The following ASTN1 variants were observed in gnomAD, a reference collection of about 807,000 sequenced individuals.
ASTN1 encodes astrotactin 1.
Under a neutral mutation model 140.7 loss-of-function variants are expected in ASTN1, and 41 were observed. That is an observed-to-expected ratio of 0.29 (90% confidence interval 0.23 to 0.38). The LOEUF (loss-of-function observed/expected upper bound fraction) is 0.38, where lower values mean the gene tolerates loss of function less well. Among genes scored for constraint, ASTN1 ranks in the 10% least tolerant of loss-of-function variants. The pLI, the probability that ASTN1 is intolerant of heterozygous loss-of-function variation, is 1.00. For missense variants in ASTN1, 1,479 were observed against 1,678.8 expected, an observed-to-expected ratio of 0.88 and a Z score of 2.08; for synonymous variants, 640 against 652.2, an observed-to-expected ratio of 0.98 and a Z score of 0.29.
At chr1:176,935,188 T>C (rs1258300214) in intron 15 of ASTN1, among the ~76,000 whole-genome samples, 1 of 152,184 alleles carries the variant, frequency 6.6e-6, no homozygotes, top group Non-Finnish European at 1.5e-5. Context: ...TGTCTCCTAT[T>C]AAGGCAAAGT....
In ASTN1 at chr1:176,903,921, T is replaced by C. The variant is rs116802655; in HGVS notation, c.2672-9091A>G. 6.0e-3 allele frequency among the ~76,000 whole-genome samples: 920 copies of C among 152,336 alleles called. 9 individuals are homozygous for C. Among genetic ancestry groups the C allele is most frequent in the African/African-American group, 0.021 (870 of 41,588 alleles). On this transcript the variant is annotated intron_variant, in intron 16 of 22. Transcript: ENST00000361833. ...GGCTCCCAGCTGTCCTTGGCACTCC[T>C]TGGCTTATAGCTGCCTCACACTAAT...
At chr1:176,888,702 C>T (rs1320444765) in intron 17 of ASTN1, among the ~76,000 whole-genome samples, 2 of 152,158 alleles carry the variant, frequency 1.3e-5, no homozygotes, top group African/African-American at 2.4e-5. Context: ...TGCAATGCTG[C>T]CTTGGGTTGT....
At chr1:176,878,500 G>A (rs1346873828) in intron 20 of ASTN1, among the ~76,000 whole-genome samples, 2 of 151,940 alleles carry the variant, frequency 1.3e-5, no homozygotes, top group East Asian at 3.9e-4. Flanking sequence ...AGCAGTGGCA[G>A]TCATGAAATT....
chr1:177,160,920 C>T (rs530735352), intron 1 of ASTN1, among the ~76,000 whole-genome samples: 1 of 152,288 alleles, frequency 6.6e-6, no homozygotes, highest in Admixed American at 6.5e-5. Context: ...ATATTAGGCA[C>T]AGAACCATCA....
chr1:177,015,685 T>A (rs1233648757), intron 7 of ASTN1, among the ~76,000 whole-genome samples: 2 of 152,198 alleles, frequency 1.3e-5, no homozygotes, highest in Non-Finnish European at 2.9e-5. Flanking sequence ...AAACTGTATA[T>A]GTGTGTATAT....
At chr1:176,919,084 G>A (rs1332783560) in intron 16 of ASTN1, among the ~76,000 whole-genome samples, 2 of 152,206 alleles carry the variant, frequency 1.3e-5, no homozygotes, top group East Asian at 3.9e-4. Context: ...TACCCTCATA[G>A]CCCATCCAAC....
At chr1:176,912,509 T>G (rs555783307) in intron 16 of ASTN1, among the ~76,000 whole-genome samples, 2 of 152,332 alleles carry the variant, frequency 1.3e-5, no homozygotes, top group African/African-American at 2.4e-5. Flanking sequence ...CTGCAGGTCA[T>G]AATTTGCTGA....
chr1:176,971,499 G>C (rs1179438432), intron 8 of ASTN1, among the ~76,000 whole-genome samples: 1 of 152,076 alleles, frequency 6.6e-6, no homozygotes, highest in Non-Finnish European at 1.5e-5. Context: ...TCTCTACCTG[G>C]AATACCACCC....
At chr1:176,878,672 G>C (rs1371484156) in intron 20 of ASTN1, among the ~76,000 whole-genome samples, 4 of 151,924 alleles carry the variant, frequency 2.6e-5, no homozygotes, top group Admixed American at 1.3e-4. Flanking sequence ...TCCAGTCCCA[G>C]GTCAGCACCA....
At position 176,861,899 on chromosome 1, in the gene ASTN1, G is replaced by T. The variant is rs979895924; in HGVS notation, c.*2385C>A. On this transcript the variant is annotated 3_prime_UTR_variant, in exon 23 of 23. Transcript: ENST00000361833. Reference sequence around the variant, plus strand: ...TGCCTAAAATAAAAACAGAAGGAGAGGGTACAGAGGAGTGACTCTGATACC... The same window carrying T: ...TGCCTAAAATAAAAACAGAAGGAGATGGTACAGAGGAGTGACTCTGATACC... 6.1e-6 allele frequency: 6 copies of T among 985,130 alleles called. No individual in the cohort carries two copies. In the South Asian group the frequency reaches 1.9e-4, roughly 31 times the overall value. The allele number at this position is 985,130 out of a possible 1,614,324, so 61.0% of individuals were successfully genotyped here. A position where few individuals can be genotyped will look rare whatever the true frequency, so the allele number is the denominator to read the frequency against.
chr1:176,957,689 T>C lies in ASTN1; in HGVS notation c.1876A>G (p.Thr626Ala). ...RCISDRKLDSTGCVCPSGLSP... is the reference protein window; with the variant it reads ...RCISDRKLDSAGCVCPSGLSP... The stretch of plus-strand genomic sequence containing the variant: ...CAGGGCAGACCTACCACGCAACCAG[T>C]GGAGTCCAGCTTGCGATCTGAAATA... The change falls in exon 11 of 23, where the codon ACT becomes GCT. Residue 626 changes from threonine to alanine, a missense_variant. Transcript: ENST00000361833. 1 of 1,614,000 alleles carries C rather than the reference T, an allele frequency of 6.2e-7. No individual in the cohort carries two copies. The highest frequency in any genetic ancestry group is 8.5e-7 in the Non-Finnish European group (1 of 1,179,950).
In ASTN1 at chr1:176,863,503, T is replaced by C. The variant is rs1668033544; in HGVS notation, c.*781A>G. On this transcript the variant is annotated 3_prime_UTR_variant, in exon 23 of 23. Coordinates refer to ENST00000361833, the MANE Select transcript of ASTN1 (RefSeq NM_004319.3). Reference sequence around the variant, plus strand: ...CTCTTGAATGTGGACTGCTAACTAGTCTCCCAGGTAGACTTTTCTGAAGGT... The same window carrying C: ...CTCTTGAATGTGGACTGCTAACTAGCCTCCCAGGTAGACTTTTCTGAAGGT... 1.0e-6 allele frequency: 1 copy of C among 985,434 alleles called. No individual in the cohort carries two copies. The highest frequency in any genetic ancestry group is 1.7e-5 in the African/African-American group (1 of 57,214). 61.0% of individuals were successfully genotyped at this position (985,434 alleles called of 1,614,324 possible).
At chr1:176,924,448 C>T (rs901483596) in intron 16 of ASTN1, among the ~76,000 whole-genome samples, 4 of 152,192 alleles carry the variant, frequency 2.6e-5, no homozygotes, top group African/African-American at 9.6e-5. Context: ...CTTCAGTCAA[C>T]CTCTGGTACA....
intron 11 of ASTN1, among the ~76,000 whole-genome samples, chr1:176,956,321 C>A (rs1672397900): frequency 6.6e-6 from 1 of 152,080 alleles, no homozygotes; most frequent in East Asian, 1.9e-4. Context: ...CAACTGCTGC[C>A]TCATAGGTAA....
chr1:177,021,565 A>C (rs531621734), intron 7 of ASTN1, among the ~76,000 whole-genome samples: 2 of 152,324 alleles, frequency 1.3e-5, no homozygotes, highest in South Asian at 4.1e-4. Context: ...ACTCTGCTTT[A>C]GGTAGCTGTG....
chr1:177,052,262 G>A (rs1677576855), intron 2 of ASTN1, among the ~76,000 whole-genome samples: 1 of 152,124 alleles, frequency 6.6e-6, no homozygotes, highest in South Asian at 2.1e-4. Context: ...GGTGGCCCCT[G>A]GGTCACACAT....
chr1:176,898,152 T>A (rs2103043343), intron 16 of ASTN1, among the ~76,000 whole-genome samples: 1 of 152,306 alleles, frequency 6.6e-6, no homozygotes, highest in South Asian at 2.1e-4. Flanking sequence ...GCCCTTCAGT[T>A]CTAGATACCT....
chr1:177,123,231 G>T (rs534731609), intron 1 of ASTN1, among the ~76,000 whole-genome samples: 1 of 152,242 alleles, frequency 6.6e-6, no homozygotes, highest in African/African-American at 2.4e-5. Context: ...CTCAGTACAG[G>T]TGATGGCTTC....
intron 16 of ASTN1, among the ~76,000 whole-genome samples, chr1:176,921,847 T>C (rs1177410790): frequency 6.6e-6 from 1 of 152,184 alleles, no homozygotes; most frequent in Non-Finnish European, 1.5e-5. Flanking sequence ...GGTGAGCTGG[T>C]GCCAGGAGGT....
Sources: allele counts gnomAD v4.1 joint callset (sites outside exome capture counted in the v4.1 genomes callset), GRCh38; gene constraint gnomAD v4.1.1; transcripts MANE v1.5; gene names NCBI Gene and HGNC (gene_info 2026-07-23, HGNC 2026-07-21).